Variants in DEGS2 observed in about 807,000 individuals in gnomAD.
DEGS2 encodes sphingolipid delta(4)-desaturase/C4-monooxygenase DES2.
A neutral mutation model predicts 23.8 loss-of-function variants in DEGS2; 19 were observed. The observed-to-expected ratio is 0.80, with a 90% CI of 0.56 to 1.17. DEGS2 has a LOEUF of 1.17. Among genes scored for constraint, DEGS2 ranks in the 50% most tolerant of loss-of-function variants. The pLI is 0.00. For synonymous variants in DEGS2, 218 were observed against 213.7 expected (o/e 1.02, Z -0.18); for missense variants, 390 against 459.5 (o/e 0.85, Z 1.38).
Position 100,149,572 on chromosome 14 carries a change from T to A in DEGS2, c.221A>T (p.Tyr74Phe). ...LAWRWLLFWA[Y>F]AFGGCVNHSL... ...GTGGTTCACGCAGCCACCAAAGGCGTAGGCCCAGAACAGCAGCCAGCGCCA... is the reference window on the plus strand; with the variant it reads ...GTGGTTCACGCAGCCACCAAAGGCGAAGGCCCAGAACAGCAGCCAGCGCCA... The change falls in exon 2 of 3, where the codon TAC becomes TTC. Residue 74 changes from tyrosine (Y) to phenylalanine (F), a missense_variant. Tyr to Phe is a conservative substitution (Grantham distance 22). Coordinates refer to ENST00000305631, the MANE Select transcript of DEGS2 (RefSeq NM_206918.3). The A allele has an allele frequency of 6.2e-7, 1 of 1,608,762 alleles. No individual in the cohort carries two copies. The highest frequency in any genetic ancestry group is 8.5e-7 in the Non-Finnish European group (1 of 1,178,844).
In DEGS2 at chr14:100,146,023, G is replaced by C. The variant is rs1889438731; in HGVS notation, c.*738C>G. 6.5e-6 allele frequency: 1 copy of C among 152,738 alleles called. No individual in the cohort carries two copies. Among genetic ancestry groups the C allele is most frequent in the Non-Finnish European group, 1.5e-5 (1 of 68,398 alleles). 9.5% of individuals were successfully genotyped at this position (152,738 alleles called of 1,614,324 possible). On this transcript the variant is annotated 3_prime_UTR_variant, in exon 3 of 3. Transcript: ENST00000305631. ...TCCCTGCCGCGGGAGGGCATACAGA[G>C]AGCAGGAGGTGAGCAGGCCCAAGGG...
At chr14:100,153,507 A>G (rs1383308149) in intron 1 of DEGS2, among the ~76,000 whole-genome samples, 1 of 152,168 alleles carries the variant, frequency 6.6e-6, no homozygotes, top group Non-Finnish European at 1.5e-5. Flanking sequence ...GCAGAGAAGG[A>G]CAGGGAGAGA....
chr14:100,150,674 C>T (rs1566741562), intron 1 of DEGS2, among the ~76,000 whole-genome samples: 1 of 152,006 alleles, frequency 6.6e-6, no homozygotes, highest in Non-Finnish European at 1.5e-5. Context: ...CTAAGTTCTG[C>T]CTACATGGTG....
At chr14:100,160,208 A>C (rs1889730164), upstream of DEGS2, 1 of 152,304 alleles carries the variant, frequency 6.6e-6, no homozygotes, top group South Asian at 2.1e-4. Flanking sequence ...CGTCTGCAGC[A>C]ACCTCACAGG....
chr14:100,159,720 G>C (rs1183246391), upstream of DEGS2: 3 of 359,486 alleles, frequency 8.3e-6, no homozygotes, highest in Admixed American at 4.9e-5. Flanking sequence ...GGTGCGCCAG[G>C]CTTGGGGCGG....
the DEGS2 span, among the ~76,000 whole-genome samples, chr14:100,166,076 A>G: frequency 3.5e-4 from 3 of 8,684 alleles, no homozygotes; most frequent in Non-Finnish European, 6.6e-4. Context: ...TGTCTGGGGG[A>G]GTTGGGGGAG....
intron 1 of DEGS2, among the ~76,000 whole-genome samples, chr14:100,159,114 C>G (rs997954577): frequency 2.2e-4 from 34 of 152,304 alleles, no homozygotes; most frequent in African/African-American, 7.2e-4. Flanking sequence ...GGTGGAGGCC[C>G]CGCGTCGCGC....
intron 2 of DEGS2, among the ~76,000 whole-genome samples, chr14:100,147,996 G>T (rs1235935062): frequency 6.6e-6 from 1 of 152,186 alleles, no homozygotes; most frequent in Admixed American, 6.5e-5. Flanking sequence ...GTTCAAGTGA[G>T]ATGGTCCCTG....
chr14:100,149,831 C>T, intron 1 of DEGS2, 121 bp from the exon 2 acceptor site: 1 of 1,035,272 alleles, frequency 9.7e-7, no homozygotes. Flanking sequence ...CCTCGCTGGT[C>T]CCTTTGCCCC....
At position 100,146,641 on chromosome 14, in the gene DEGS2, C is replaced by T; in HGVS notation, c.*120G>A. ...TTGCCAGGTGTGGCTGCGCGGGACA[C>T]TCCTCGGGGACAAGGGCAGCAGTCC... is the stretch of plus-strand genomic sequence containing the variant. On this transcript the variant is annotated 3_prime_UTR_variant, in exon 3 of 3. Transcript: ENST00000305631. 7.0e-7 allele frequency: 1 copy of T among 1,433,834 alleles called. No individual in the cohort carries two copies. Among genetic ancestry groups the T allele is most frequent in the Non-Finnish European group, 9.4e-7 (1 of 1,065,166 alleles). The allele number at this position is 1,433,834 out of a possible 1,614,324, so 88.8% of individuals were successfully genotyped here.
At chr14:100,162,076 G>A (rs1889755420), upstream of DEGS2, among the ~76,000 whole-genome samples, 2 of 150,146 alleles carry the variant, frequency 1.3e-5, no homozygotes, top group African/African-American at 4.9e-5. Context: ...GGCCGGGCAC[G>A]GTGGCTCACA....
upstream of DEGS2, chr14:100,160,276 T>A (rs1169432587): frequency 6.6e-6 from 1 of 152,218 alleles, no homozygotes; most frequent in Non-Finnish European, 1.5e-5. Flanking sequence ...GGGACACAGG[T>A]ACAGAAGTGG....
chr14:100,162,363 AAAAT>A (rs1449545178), upstream of DEGS2, among the ~76,000 whole-genome samples: 1 of 147,380 alleles, frequency 6.8e-6, no homozygotes, highest in Non-Finnish European at 1.5e-5. Context: ...TAAATAAATA[AAAAT>A]AAATAAAATA....
intron 2 of DEGS2, among the ~76,000 whole-genome samples, chr14:100,147,379 GCCCGCCTGAGTCCTA>G (rs981112203): frequency 6.6e-6 from 1 of 152,170 alleles, no homozygotes; most frequent in Non-Finnish European, 1.5e-5. Context: ...AGTGCTGAGT[GCCCGCCTGAGTCCTA>G]CCAGGCCACA....
intron 1 of DEGS2, among the ~76,000 whole-genome samples, chr14:100,152,791 C>T (rs1450104415): frequency 6.6e-6 from 1 of 152,086 alleles, no homozygotes; most frequent in African/African-American, 2.4e-5. Flanking sequence ...TACTGCCACC[C>T]CTGGGTCTCC....
intron 1 of DEGS2, among the ~76,000 whole-genome samples, chr14:100,153,511 G>A (rs1310450012): frequency 6.6e-6 from 1 of 152,204 alleles, no homozygotes; most frequent in Non-Finnish European, 1.5e-5. Flanking sequence ...AGAAGGACAG[G>A]GAGAGACACA....
the DEGS2 span, among the ~76,000 whole-genome samples, chr14:100,166,686 G>A: frequency 1.3e-5 from 2 of 152,114 alleles, no homozygotes; most frequent in African/African-American, 2.4e-5. Flanking sequence ...CGGAGGTCGG[G>A]TAAGACGCCA....
the DEGS2 span, among the ~76,000 whole-genome samples, chr14:100,165,783 G>A: frequency 6.6e-6 from 1 of 150,698 alleles, no homozygotes; most frequent in Non-Finnish European, 1.5e-5. Context: ...GGGGTGCCCC[G>A]CAGGCGGCCC....
chr14:100,156,029 C>T (rs975863268), intron 1 of DEGS2, among the ~76,000 whole-genome samples: 2 of 152,228 alleles, frequency 1.3e-5, no homozygotes, highest in African/African-American at 4.8e-5. Flanking sequence ...TTCTAGGGAG[C>T]ATGTCCCCCT....
Sources: allele counts gnomAD v4.1 joint callset (sites outside exome capture counted in the v4.1 genomes callset), GRCh38; gene constraint gnomAD v4.1.1; transcripts MANE v1.5; gene names NCBI Gene and HGNC (gene_info 2026-07-23, HGNC 2026-07-21).